FOXO3: variants seen among roughly 807,000 people sequenced by gnomAD.
FOXO3 encodes the protein forkhead box protein O3.
FOXO3 carries 4 observed loss-of-function variants against 41.9 expected under a neutral mutation model. The ratio of observed to expected loss-of-function variants is 0.10; its 90% CI spans 0.05 to 0.22. FOXO3 has a LOEUF of 0.22. FOXO3 is among the 10% of genes least tolerant of loss of function. FOXO3 has a pLI of 1.00. For missense variants in FOXO3, 534 were observed against 906.8 expected, an observed-to-expected ratio of 0.59 and a Z score of 5.28; for synonymous variants, 318 against 389.3, an observed-to-expected ratio of 0.82 and a Z score of 2.16.
Position 108,560,968 on chromosome 6 carries a change from C to G in FOXO3, c.-241C>G. On this transcript the variant is annotated 5_prime_UTR_variant, in exon 1 of 3. Transcript: ENST00000406360. Reference sequence around the variant, plus strand: ...CCGCACGTCTTCAGGTCCTCCTGTTCCTGGGAGGCGGGCGCGGCAGGACTG... The same window carrying G: ...CCGCACGTCTTCAGGTCCTCCTGTTGCTGGGAGGCGGGCGCGGCAGGACTG... The G allele has an allele frequency of 7.5e-7, 1 of 1,337,748 alleles. No individual in the cohort carries two copies. The highest frequency in any genetic ancestry group is 9.5e-7 in the Non-Finnish European group (1 of 1,053,810). 82.9% of individuals were successfully genotyped at this position (1,337,748 alleles called of 1,614,324 possible). A position where few individuals can be genotyped will look rare whatever the true frequency, so the allele number is the denominator to read the frequency against.
At chr6:108,621,854 G>A (rs1376798238) in intron 1 of FOXO3, among the ~76,000 whole-genome samples, 1 of 152,140 alleles carries the variant, frequency 6.6e-6, no homozygotes, top group Non-Finnish European at 1.5e-5. Flanking sequence ...TCTTGAGCTT[G>A]GCCTTGGGTC....
At chr6:108,628,530 T>G (rs1040886109) in intron 1 of FOXO3, among the ~76,000 whole-genome samples, 7 of 152,198 alleles carry the variant, frequency 4.6e-5, no homozygotes, top group African/African-American at 1.2e-4. Context: ...TTTTGGTGGT[T>G]GTTTGAAAGA....
intron 1 of FOXO3, among the ~76,000 whole-genome samples, chr6:108,575,410 T>G (rs1164601840): frequency 6.6e-6 from 1 of 151,174 alleles, no homozygotes; most frequent in Non-Finnish European, 1.5e-5. Flanking sequence ...AAAAAAAACC[T>G]CGATGTAAAT....
intron 1 of FOXO3, among the ~76,000 whole-genome samples, chr6:108,643,738 A>G (rs1778322765): frequency 6.6e-6 from 1 of 152,146 alleles, no homozygotes; most frequent in African/African-American, 2.4e-5. Flanking sequence ...AGTGTTGCCC[A>G]CTAATTAACA....
chr6:108,612,063 ACT>A (rs1385283818), intron 1 of FOXO3, among the ~76,000 whole-genome samples: 1 of 151,898 alleles, frequency 6.6e-6, no homozygotes, highest in Admixed American at 6.6e-5. Context: ...AGGTAGTATA[ACT>A]CTTCCAATTT....
At chr6:108,641,374 G>A (rs978027513) in intron 1 of FOXO3, among the ~76,000 whole-genome samples, 1 of 151,976 alleles carries the variant, frequency 6.6e-6, no homozygotes, top group African/African-American at 2.4e-5. Context: ...TAGTAAATTT[G>A]GCACATTGAA....
rs145756480 is a variant in FOXO3, at chr6:108,663,800, C to T, written c.967C>T (p.Arg323Cys). ...TNSNASTVSGRLSPIMASTEL... is the reference protein window; with the variant it reads ...TNSNASTVSGCLSPIMASTEL... ...TTCTAACGCCAGCACAGTCAGTGGCCGCCTGTCGCCCATCATGGCAAGCAC... is the reference window on the plus strand; with the variant it reads ...TTCTAACGCCAGCACAGTCAGTGGCTGCCTGTCGCCCATCATGGCAAGCAC... The change falls in exon 2 of 3, where the codon CGC becomes TGC. Residue 323 changes from arginine to cysteine, a missense_variant. Physicochemically the swap from Arg to Cys is radical, Grantham distance 180 (BLOSUM62 -3). Around this residue, in one of 8 missense-constraint regions of FOXO3, gnomAD observed 185 missense variants for 224.9 expected, o/e 0.82. Coordinates refer to ENST00000406360, the MANE Select transcript of FOXO3 (RefSeq NM_001455.4). 1.4e-5 allele frequency: 23 copies of T among 1,613,822 alleles called. 1 individual carries two copies. Among genetic ancestry groups the T allele is most frequent in the Middle Eastern group, 3.3e-4 (2 of 6,058 alleles).
chr6:108,619,750 A>G (rs758230532), intron 1 of FOXO3, among the ~76,000 whole-genome samples: 1 of 152,246 alleles, frequency 6.6e-6, no homozygotes, highest in Non-Finnish European at 1.5e-5. Flanking sequence ...GTAGGAAGCT[A>G]ATACCCCTGA....
At chr6:108,670,719 G>T (rs1364083699) in intron 2 of FOXO3, among the ~76,000 whole-genome samples, 1 of 152,162 alleles carries the variant, frequency 6.6e-6, no homozygotes, top group Non-Finnish European at 1.5e-5. Context: ...CTTAAGAAAT[G>T]CTGTCCTAGA....
intron 1 of FOXO3, among the ~76,000 whole-genome samples, chr6:108,570,550 A>G (rs1230419478): frequency 6.6e-6 from 1 of 150,816 alleles, no homozygotes; most frequent in Non-Finnish European, 1.5e-5. Flanking sequence ...TTGGTCTCAA[A>G]CTCCTGGGTT....
intron 2 of FOXO3, among the ~76,000 whole-genome samples, chr6:108,666,993 C>T (rs183065226): frequency 1.1e-3 from 164 of 152,230 alleles, no homozygotes; most frequent in African/African-American, 3.9e-3. Flanking sequence ...CTTGTTTAAC[C>T]CTCTGCCATG....
chr6:108,626,721 T>A (rs1777822476), intron 1 of FOXO3, among the ~76,000 whole-genome samples: 1 of 152,196 alleles, frequency 6.6e-6, no homozygotes, highest in Non-Finnish European at 1.5e-5. Context: ...TTATGTTCCC[T>A]AGTTGGCCAT....
At chr6:108,652,493 G>A (rs1778572617) in intron 1 of FOXO3, among the ~76,000 whole-genome samples, 1 of 152,160 alleles carries the variant, frequency 6.6e-6, no homozygotes, top group African/African-American at 2.4e-5. Context: ...TCACTTGTTA[G>A]TGGTGCCTCC....
At chr6:108,589,471 C>A (rs1248883494) in intron 1 of FOXO3, among the ~76,000 whole-genome samples, 1 of 152,244 alleles carries the variant, frequency 6.6e-6, no homozygotes, top group Non-Finnish European at 1.5e-5. Context: ...AGCATTCTCT[C>A]AGCCCTGCCA....
rs532454444 is a variant in FOXO3 at position 108,645,956 on chromosome 6, A to G, written c.622-17499A>G. Among the ~76,000 whole-genome samples the G allele has an allele frequency of 5.3e-5, 8 of 152,362 alleles. No individual in the cohort carries two copies. The East Asian group carries it at 1.5e-3, about 29-fold the overall frequency. On this transcript the variant is annotated intron_variant, in intron 1 of 2. Transcript: ENST00000406360. ...AAATAGAATTGTTGAGTTATCAGGT[A>G]GGATTAGGTTTGGCTAATGGAAAAC...
intron 1 of FOXO3, among the ~76,000 whole-genome samples, chr6:108,562,631 T>C (rs1775840467): frequency 1.3e-5 from 2 of 152,110 alleles, no homozygotes; most frequent in African/African-American, 4.8e-5. Flanking sequence ...GGGCCTGCGC[T>C]TCATTCACTC....
At chr6:108,654,358 C>T (rs1490075140) in intron 1 of FOXO3, among the ~76,000 whole-genome samples, 2 of 152,076 alleles carry the variant, frequency 1.3e-5, no homozygotes, top group African/African-American at 2.4e-5. Flanking sequence ...CCCAACAGAA[C>T]CGTGTGTGGA....
chr6:108,565,588 T>C (rs1444204582), intron 1 of FOXO3, among the ~76,000 whole-genome samples: 1 of 152,218 alleles, frequency 6.6e-6, no homozygotes, highest in Non-Finnish European at 1.5e-5. Context: ...CTTGAGTTTC[T>C]GTAGTGGTTC....
chr6:108,578,724 C>T (rs1411217266), intron 1 of FOXO3, among the ~76,000 whole-genome samples: 1 of 152,190 alleles, frequency 6.6e-6, no homozygotes, highest in Non-Finnish European at 1.5e-5. Context: ...TGCACTGACT[C>T]ATCCCCAGAC....
Sources: allele counts gnomAD v4.1 joint callset (sites outside exome capture counted in the v4.1 genomes callset), GRCh38; gene constraint gnomAD v4.1.1; regional missense constraint gnomAD v4.1.1; transcripts MANE v1.5; gene names NCBI Gene and HGNC (gene_info 2026-07-23, HGNC 2026-07-21).